Variants in ANKRD27 observed in about 807,000 individuals in gnomAD.
ANKRD27 encodes ankyrin repeat domain 27.
ANKRD27 carries 112 observed loss-of-function variants against 129.7 expected under a neutral mutation model. That is an observed-to-expected ratio of 0.86 (90% CI 0.74 to 1.01). The LOEUF is 1.01. Ranked by LOEUF, ANKRD27 falls within the 50% of genes least tolerant of loss-of-function variation. The probability of loss-of-function intolerance (pLI) is 0.00; values close to 1 mark genes in which losing one functional copy is unlikely to be tolerated. For missense variants in ANKRD27, 1,258 were observed against 1,300.5 expected (o/e 0.97, Z 0.50); for synonymous variants, 516 against 511.2 (o/e 1.01, Z -0.13).
At position 32,599,595 on chromosome 19, in the gene ANKRD27, C is replaced by T. The variant is rs754698991; in HGVS notation, c.2919+109G>A. 1.1e-4 allele frequency: 109 copies of T among 953,564 alleles called. No individual in the cohort carries two copies. In the Middle Eastern group the frequency reaches 2.2e-3, roughly 20 times the overall value. The allele number at this position is 953,564 out of a possible 1,614,324, so 59.1% of individuals were successfully genotyped here. The stretch of plus-strand genomic sequence containing the variant: ...TTTTAACTGCTGCTAACTCATACGG[C>T]GCACGGAATAATGAAGATGACGATC... On this transcript the variant is annotated intron_variant, in intron 28 of 28. Coordinates refer to ENST00000306065, the MANE Select transcript of ANKRD27 (RefSeq NM_032139.3).
At chr19:32,643,049 A>C (rs1216678320) in intron 9 of ANKRD27, 74 bp downstream of exon 9, 2 of 1,462,460 alleles carry the variant, frequency 1.4e-6, no homozygotes, top group African/African-American at 2.8e-5. Flanking sequence ...TCTGCCACCG[A>C]GAGGGCCTGC....
intron 25 of ANKRD27, among the ~76,000 whole-genome samples, chr19:32,602,620 C>T (rs1971670407): frequency 6.6e-6 from 1 of 151,862 alleles, no homozygotes; most frequent in South Asian, 2.1e-4. Flanking sequence ...AGGCCAGGCG[C>T]GATGGCTCAC....
intron 13 of ANKRD27, 30 bp from the exon 14 acceptor site, chr19:32,628,879 C>T (rs1251021500): frequency 6.2e-7 from 1 of 1,611,954 alleles, no homozygotes. Flanking sequence ...ATGCTATCCA[C>T]ATGCTGGAAT....
chr19:32,646,751 T>C, intron 3 of ANKRD27, 136 bp from the exon 4 acceptor site: 1 of 858,820 alleles, frequency 1.2e-6, no homozygotes, highest in Non-Finnish European at 1.8e-6. Context: ...ACAAATACTC[T>C]CCTGTTTTGC....
rs73928817 is a variant in ANKRD27 at position 32,619,168 on chromosome 19, C to T, written c.2007+92G>A. 19,177 of 1,486,650 alleles carry T rather than the reference C, an allele frequency of 0.013. 2,051 individuals are homozygous for T. The African/African-American group carries it at 0.23, about 18-fold the overall frequency. The allele number at this position is 1,486,650 out of a possible 1,614,324, so 92.1% of individuals were successfully genotyped here. ...AGCATGGGCAAGCAGGCTGAGAGGG[C>T]GGCCCTTGTCAGGCCACGGCTCTTC... is the stretch of plus-strand genomic sequence containing the variant. On this transcript the variant is annotated intron_variant, in intron 20 of 28. Transcript: ENST00000306065.
At chr19:32,660,540 C>A (rs1318879869) in intron 1 of ANKRD27, among the ~76,000 whole-genome samples, 3 of 152,032 alleles carry the variant, frequency 2.0e-5, no homozygotes, top group African/African-American at 7.2e-5. Context: ...AAGAAAGAGG[C>A]CTGGGAGAGC....
chr19:32,655,731 A>G (rs114559145), intron 2 of ANKRD27, among the ~76,000 whole-genome samples: 5,642 of 151,572 alleles, frequency 0.037, 118 homozygotes, highest in Middle Eastern at 0.072. Context: ...AAATTACAAA[A>G]GTTAGGCCGG....
intron 1 of ANKRD27, among the ~76,000 whole-genome samples, chr19:32,661,178 G>A (rs923475027): frequency 4.0e-5 from 6 of 149,612 alleles, no homozygotes; most frequent in Non-Finnish European, 8.9e-5. Flanking sequence ...TCCACCCTGT[G>A]TGATGGTGCA....
chr19:32,667,001 C>T (rs978045576), intron 1 of ANKRD27, among the ~76,000 whole-genome samples: 2 of 152,200 alleles, frequency 1.3e-5, no homozygotes, highest in Non-Finnish European at 2.9e-5. Flanking sequence ...CCATCTGGGC[C>T]TGCACCACAG....
intron 27 of ANKRD27, 74 bp from the exon 28 acceptor site, chr19:32,599,850 A>G: frequency 6.4e-7 from 1 of 1,555,126 alleles, no homozygotes; most frequent in South Asian, 1.1e-5. Flanking sequence ...ACAAGGTGGC[A>G]GCATTTTTGA....
intron 13 of ANKRD27, among the ~76,000 whole-genome samples, chr19:32,629,487 G>A (rs1966951472): frequency 1.3e-5 from 2 of 152,084 alleles, no homozygotes; most frequent in Admixed American, 1.3e-4. Flanking sequence ...CTCATTTGAG[G>A]TCAGGAGTTC....
At chr19:32,651,283 C>T (rs1481771588) in intron 2 of ANKRD27, among the ~76,000 whole-genome samples, 1 of 152,062 alleles carries the variant, frequency 6.6e-6, no homozygotes, top group Non-Finnish European at 1.5e-5. Context: ...AGAGATGGCC[C>T]CCCCTCCAGC....
chr19:32,636,310 GA>G (rs1247340091), intron 12 of ANKRD27: 24 of 158,414 alleles, frequency 1.5e-4, no homozygotes, highest in African/African-American at 5.7e-4. Context: ...AACTAATTAA[GA>G]TTGATGACAA....
chr19:32,615,239 C>A (rs1971897555), intron 22 of ANKRD27, among the ~76,000 whole-genome samples: 2 of 152,200 alleles, frequency 1.3e-5, no homozygotes, highest in Non-Finnish European at 1.5e-5. Flanking sequence ...CACAGACATG[C>A]AGTACAGTAA....
intron 20 of ANKRD27, 26 bp from the exon 21 acceptor site, chr19:32,617,659 G>C (rs1252868303): frequency 2.8e-6 from 2 of 704,988 alleles, no homozygotes; most frequent in South Asian, 3.3e-5. Context: ...AAGAATGTTA[G>C]AAAAATGATT....
intron 2 of ANKRD27, among the ~76,000 whole-genome samples, chr19:32,654,633 C>G (rs1268084019): frequency 6.6e-6 from 1 of 151,314 alleles, no homozygotes; most frequent in African/African-American, 2.4e-5. Flanking sequence ...CTGCTGATTT[C>G]TGCTGAGATG....
At chr19:32,628,289 T>G in intron 14 of ANKRD27, 124 bp from the exon 15 acceptor site, 1 of 750,230 alleles carries the variant, frequency 1.3e-6, no homozygotes, top group South Asian at 1.7e-5. Context: ...CCAAGAGATG[T>G]GTGTCTCCGG....
At position 32,628,198 on chromosome 19, in the gene ANKRD27, G is replaced by C. The variant is rs1355729559; in HGVS notation, c.1338-33C>G. The C allele has an allele frequency of 1.9e-6, 3 of 1,586,608 alleles. No homozygotes were observed. The African/African-American group carries it at 4.0e-5, about 21-fold the overall frequency. ...ACAGAAAGAGATAGAAAACTACACAGGGGAATGGCACAGCAAAGCCTCTCC... is the reference window on the plus strand; with the variant it reads ...ACAGAAAGAGATAGAAAACTACACACGGGAATGGCACAGCAAAGCCTCTCC... On this transcript the variant is annotated intron_variant, in intron 14 of 28. Coordinates refer to ENST00000306065, the MANE Select transcript of ANKRD27 (RefSeq NM_032139.3).
intron 5 of ANKRD27, 149 bp from the exon 6 acceptor site, chr19:32,643,780 G>A (rs1412255321): frequency 2.7e-6 from 2 of 733,146 alleles, no homozygotes; most frequent in Non-Finnish European, 4.6e-6. Context: ...TTTTTTAGGT[G>A]TATATGCATT....
Sources: gnomAD v4.1 joint callset for allele counts (sites outside exome capture counted in the v4.1 genomes callset) on GRCh38, gnomAD v4.1.1 for gene constraint, MANE v1.5 for transcripts, NCBI Gene and HGNC (gene_info 2026-07-23, HGNC 2026-07-21) for gene names.